Variants in DPP10 observed in about 807,000 individuals in gnomAD.
DPP10 encodes inactive dipeptidyl peptidase 10.
Under a neutral mutation model 120.9 loss-of-function variants are expected in DPP10, and 33 were observed. The ratio of observed to expected loss-of-function variants is 0.27; its 90% CI spans 0.21 to 0.37. DPP10 has a LOEUF of 0.37. DPP10 is among the 10% of genes least tolerant of loss of function. The pLI is 1.00. For missense variants in DPP10, 816 were observed against 942.8 expected (o/e 0.87, Z 1.76); for synonymous variants, 337 against 326.1 (o/e 1.03, Z -0.36).
intron 1 of DPP10, among the ~76,000 whole-genome samples, chr2:114,919,689 A>G (rs1189906128): frequency 6.6e-6 from 1 of 152,182 alleles, no homozygotes; most frequent in Non-Finnish European, 1.5e-5. Context: ...TTCTAAGAAA[A>G]CACCTCAATA....
chr2:114,643,486 C>T (rs1695869025), intron 1 of DPP10, among the ~76,000 whole-genome samples: 1 of 151,820 alleles, frequency 6.6e-6, no homozygotes, highest in African/African-American at 2.4e-5. Context: ...ATTTATGACC[C>T]AGGGTTTAAC....
intron 5 of DPP10, among the ~76,000 whole-genome samples, chr2:115,592,881 TTC>T (rs1298326434): frequency 1.3e-4 from 20 of 152,340 alleles, no homozygotes; most frequent in African/African-American, 4.6e-4. Flanking sequence ...GCAAGGCCAC[TTC>T]TGTTTGCTGG....
At chr2:114,917,875 T>C (rs1187494879) in intron 1 of DPP10, among the ~76,000 whole-genome samples, 1 of 152,016 alleles carries the variant, frequency 6.6e-6, no homozygotes, top group Non-Finnish European at 1.5e-5. Flanking sequence ...ACCTAGGAAA[T>C]ACTATTCCAG....
intron 1 of DPP10, among the ~76,000 whole-genome samples, chr2:115,285,713 G>A (rs779762794): frequency 6.6e-5 from 10 of 152,016 alleles, no homozygotes; most frequent in Non-Finnish European, 4.4e-5. Context: ...GGTCTCTGTT[G>A]TCTCAGATTC....
intron 5 of DPP10, among the ~76,000 whole-genome samples, chr2:115,627,229 A>G (rs1448266334): frequency 6.6e-6 from 1 of 152,202 alleles, no homozygotes; most frequent in Non-Finnish European, 1.5e-5. Context: ...CCTATTGCTG[A>G]TAGAGGGATT....
At chr2:115,286,579 A>C (rs1419486264) in intron 1 of DPP10, among the ~76,000 whole-genome samples, 1 of 134,754 alleles carries the variant, frequency 7.4e-6, no homozygotes, top group Non-Finnish European at 1.6e-5. Flanking sequence ...ACCAGTATTG[A>C]AGCATTCTTA....
intron 1 of DPP10, among the ~76,000 whole-genome samples, chr2:115,210,132 T>C (rs2056408820): frequency 1.3e-5 from 2 of 152,152 alleles, no homozygotes; most frequent in African/African-American, 4.8e-5. Flanking sequence ...TAACTCGTCA[T>C]TTACATTAGG....
intron 1 of DPP10, among the ~76,000 whole-genome samples, chr2:115,176,887 G>A (rs1445878209): frequency 4.6e-5 from 7 of 152,162 alleles, no homozygotes; most frequent in Non-Finnish European, 1.5e-5. Context: ...TCATGTGTTT[G>A]GTGAGCACCT....
intron 1 of DPP10, among the ~76,000 whole-genome samples, chr2:114,545,011 C>A (rs1262577769): frequency 6.6e-6 from 1 of 151,844 alleles, no homozygotes; most frequent in African/African-American, 2.4e-5. Context: ...GCCACCATGC[C>A]CAGCTAATTT....
chr2:115,807,699 AG>A (rs1686156446), intron 19 of DPP10, among the ~76,000 whole-genome samples: 1 of 126,708 alleles, frequency 7.9e-6, no homozygotes, highest in East Asian at 2.1e-4. Flanking sequence ...AATAGAAGAG[AG>A]AAAAAAGGGA....
At chr2:115,386,943 C>G (rs1179004975) in intron 3 of DPP10, among the ~76,000 whole-genome samples, 1 of 150,802 alleles carries the variant, frequency 6.6e-6, no homozygotes, top group Non-Finnish European at 1.5e-5. Context: ...ATATGAAGGG[C>G]AAAATGCCTC....
intron 4 of DPP10, among the ~76,000 whole-genome samples, chr2:115,513,889 T>C (rs1014869715): frequency 6.6e-6 from 1 of 152,046 alleles, no homozygotes; most frequent in Non-Finnish European, 1.5e-5. Context: ...AGTGACTATT[T>C]ATTGTCATTT....
chr2:114,714,241 T>C (rs1042009881), intron 1 of DPP10, among the ~76,000 whole-genome samples: 7 of 152,056 alleles, frequency 4.6e-5, no homozygotes, highest in Non-Finnish European at 1.0e-4. Flanking sequence ...TATAAAGGCA[T>C]CTCCAGCAAC....
intron 19 of DPP10, among the ~76,000 whole-genome samples, chr2:115,803,628 T>C (rs1304223696): frequency 2.6e-5 from 4 of 152,182 alleles, no homozygotes; most frequent in Admixed American, 2.0e-4. Context: ...GCAGGCCTGG[T>C]GGTGACAAAA....
chr2:115,746,022 T>A lies in DPP10; in HGVS notation c.853-64T>A, dbSNP rs1039256443. The A allele has an allele frequency of 1.8e-5, 22 of 1,189,574 alleles. No homozygotes were observed. The Admixed American group carries it at 6.0e-4, about 32-fold the overall frequency. 73.7% of individuals were successfully genotyped at this position (1,189,574 alleles called of 1,614,324 possible). ...ACAGTAAATGAATCAAAAATCCTTTTCTTTTTTACCCAATATATTCTAATG... is the reference window on the plus strand; with the variant it reads ...ACAGTAAATGAATCAAAAATCCTTTACTTTTTTACCCAATATATTCTAATG... On this transcript the variant is annotated intron_variant, in intron 9 of 25. Transcript: ENST00000410059.
intron 9 of DPP10, among the ~76,000 whole-genome samples, chr2:115,741,987 A>G (rs1677331116): frequency 6.6e-6 from 1 of 152,216 alleles, no homozygotes; most frequent in Admixed American, 6.6e-5. Context: ...ATAAATTAAT[A>G]TTGCTTAATA....
At chr2:115,574,938 A>C (rs1431227831) in intron 5 of DPP10, among the ~76,000 whole-genome samples, 1 of 152,230 alleles carries the variant, frequency 6.6e-6, no homozygotes, top group East Asian at 1.9e-4. Context: ...GACACAGCTC[A>C]GAGATGCCTA....
chr2:115,403,143 T>G (rs1020417516), intron 3 of DPP10, among the ~76,000 whole-genome samples: 2 of 151,322 alleles, frequency 1.3e-5, no homozygotes, highest in Non-Finnish European at 2.9e-5. Flanking sequence ...ATGCACCACT[T>G]TAACAAAATG....
At chr2:115,702,394 A>G (rs1157050799) in intron 7 of DPP10, among the ~76,000 whole-genome samples, 2 of 152,090 alleles carry the variant, frequency 1.3e-5, no homozygotes, top group African/African-American at 4.8e-5. Flanking sequence ...AAATGTCCAC[A>G]GTAGAATTAT....
Sources: allele counts gnomAD v4.1 joint callset (sites outside exome capture counted in the v4.1 genomes callset), GRCh38; gene constraint gnomAD v4.1.1; transcripts MANE v1.5; gene names NCBI Gene and HGNC (gene_info 2026-07-23, HGNC 2026-07-21).